UTP20: variants seen among roughly 807,000 people sequenced by gnomAD.
UTP20 encodes small subunit processome component 20 homolog.
In UTP20, 164 loss-of-function variants were observed where a neutral mutation model predicts 329.5. The observed-to-expected ratio is 0.50, with a 90% CI of 0.44 to 0.57. UTP20 has a LOEUF of 0.57. Among genes scored for constraint, UTP20 ranks in the 20% least tolerant of loss-of-function variants. The pLI, the probability that UTP20 is intolerant of heterozygous loss-of-function variation, is 0.00. For synonymous variants in UTP20, 1,151 were observed against 1,159.3 expected (o/e 0.99, Z 0.14); for missense variants, 3,055 against 3,284.2 (o/e 0.93, Z 1.71).
rs1870831787 is a variant in UTP20 at position 101,386,237 on chromosome 12, TCTCA to T, written c.*118_*121del. On this transcript the variant is annotated 3_prime_UTR_variant, in exon 62 of 62. Coordinates refer to ENST00000261637, the MANE Select transcript of UTP20 (RefSeq NM_014503.3). ...GTTTTTTTTTTTTTTTGAGACAAGGTCTCACTCTGTCACCCAAGGTGGAGTGCAG... is the reference window on the plus strand; with the variant it reads ...GTTTTTTTTTTTTTTTGAGACAAGGTCTCTGTCACCCAAGGTGGAGTGCAG... 1 of 946,302 alleles carries T rather than the reference TCTCA, an allele frequency of 1.1e-6. No individual in the cohort carries two copies. Among genetic ancestry groups the T allele is most frequent in the Non-Finnish European group, 1.6e-6 (1 of 632,458 alleles). The allele number at this position is 946,302 out of a possible 1,614,324, so 58.6% of individuals were successfully genotyped here.
chr12:101,385,416 A>G (rs886198868), intron 60 of UTP20, among the ~76,000 whole-genome samples, 167 bp from the exon 61 acceptor site: 11 of 152,184 alleles, frequency 7.2e-5, no homozygotes, highest in Non-Finnish European at 1.2e-4. Flanking sequence ...TTAATGTTGA[A>G]GTAACAGTGA....
intron 10 of UTP20, among the ~76,000 whole-genome samples, chr12:101,292,572 G>A (rs934882312): frequency 6.6e-6 from 1 of 152,164 alleles, no homozygotes; most frequent in Non-Finnish European, 1.5e-5. Context: ...GCTTTTCAAA[G>A]GACTTGTATT....
intron 18 of UTP20, 97 bp downstream of exon 18, chr12:101,308,440 A>G (rs1283787768): frequency 9.0e-6 from 6 of 665,676 alleles, no homozygotes; most frequent in Non-Finnish European, 1.2e-5. Flanking sequence ...TAATAATAAT[A>G]ATAATAATAA....
chr12:101,336,913 G>A (rs1449750963), intron 29 of UTP20, among the ~76,000 whole-genome samples: 1 of 152,246 alleles, frequency 6.6e-6, no homozygotes, highest in African/African-American at 2.4e-5. Context: ...CTGGGAAGTT[G>A]CATTGTATCT....
rs138065795 is a variant in UTP20 at position 101,334,478 on chromosome 12, G to T, written c.3615G>T (p.Leu1205=). 184 of 1,611,846 alleles carry T rather than the reference G, an allele frequency of 1.1e-4. No individual in the cohort carries two copies. The African/African-American group carries it at 2.0e-3, about 18-fold the overall frequency. ...ATTCTCCTACTCCTCTGCTGAAACT[G>T]ATCAGTATCTGGAGCAGAAACGCAA... ...SQYSPTPLLK[L]ISIWSRNARY... The change falls in exon 29 of 62, where the codon CTG becomes CTT. Residue 1205 remains leucine (L), a synonymous_variant. Transcript: ENST00000261637.
chr12:101,321,650 C>T (rs778991499), intron 25 of UTP20, 21 bp downstream of exon 25: 4 of 1,607,454 alleles, frequency 2.5e-6, no homozygotes, highest in Non-Finnish European at 3.4e-6. Context: ...TGTTCAAACA[C>T]TGATTTTTAA....
intron 14 of UTP20, among the ~76,000 whole-genome samples, chr12:101,301,043 C>T (rs1159403592): frequency 6.6e-6 from 1 of 152,134 alleles, no homozygotes; most frequent in African/African-American, 2.4e-5. Flanking sequence ...TATATACACA[C>T]ATACATATAT....
chr12:101,281,000 T>G (rs1192442343), intron 1 of UTP20, 116 bp from the exon 2 acceptor site: 25 of 834,560 alleles, frequency 3.0e-5, no homozygotes, highest in Non-Finnish European at 4.0e-5. Flanking sequence ...GTTTTTCAGT[T>G]TATTTTTCCA....
intron 29 of UTP20, among the ~76,000 whole-genome samples, chr12:101,336,345 G>T (rs1868934682): frequency 6.6e-6 from 1 of 152,116 alleles, no homozygotes; most frequent in Admixed American, 6.5e-5. Context: ...GTATCAATCA[G>T]AAATTAAAAC....
chr12:101,364,433 T>A (rs1870029215), intron 45 of UTP20, among the ~76,000 whole-genome samples: 1 of 152,178 alleles, frequency 6.6e-6, no homozygotes, highest in Admixed American at 6.6e-5. Context: ...AGATTGATGG[T>A]ACTTCCATTT....
intron 47 of UTP20, 86 bp downstream of exon 47, chr12:101,366,785 T>C (rs1415506946): frequency 6.8e-7 from 1 of 1,480,560 alleles, no homozygotes; most frequent in African/African-American, 1.4e-5. Context: ...TACTGCTCAC[T>C]TCCATTGGAA....
At chr12:101,300,355 G>A (rs144601716) in intron 14 of UTP20, among the ~76,000 whole-genome samples, 2,121 of 152,164 alleles carry the variant, frequency 0.014, 31 homozygotes, top group East Asian at 0.08. Flanking sequence ...CATCTCCCAC[G>A]TACATCTGAC....
In UTP20 at chr12:101,371,166, C is replaced by G. The variant is rs1870274505; in HGVS notation, c.6796C>G (p.Gln2266Glu). The stretch of plus-strand genomic sequence containing the variant: ...CGAACCTGCCAGGGTCCAGTGTAGA[C>G]AGGTTTGTAGAGAGCACTTATCCCC... Reference protein sequence around the residue: ...QSEPARVQCRQVFLKYILDYP... With the variant: ...QSEPARVQCREVFLKYILDYP... The change falls in exon 51 of 62, where the codon CAG (glutamine) becomes GAG (glutamate). Residue 2266 changes from glutamine (Q) to glutamate (E), a missense_variant and splice_region_variant. Physicochemically the swap from Gln to Glu is conservative, Grantham distance 29. Transcript: ENST00000261637. The G allele has an allele frequency of 6.2e-7, 1 of 1,612,114 alleles. No individual in the cohort carries two copies. The highest frequency in any genetic ancestry group is 8.5e-7 in the Non-Finnish European group (1 of 1,178,974).
At chr12:101,374,503 AC>A in intron 54 of UTP20, among the ~76,000 whole-genome samples, 1 of 152,130 alleles carries the variant, frequency 6.6e-6, no homozygotes, top group East Asian at 1.9e-4. Flanking sequence ...TTGCATACCC[AC>A]TTAATGTGGG....
intron 48 of UTP20, among the ~76,000 whole-genome samples, chr12:101,368,885 CTCGCTCTTCTGTGTCTTAA>C: frequency 6.6e-6 from 1 of 150,866 alleles, no homozygotes; most frequent in Admixed American, 6.6e-5. Flanking sequence ...GACTCCCAAG[CTCGCTCTTCTGTGTCTTAA>C]TCCAGCCCAC....
intron 2 of UTP20, among the ~76,000 whole-genome samples, chr12:101,283,457 C>T (rs1185832955): frequency 6.6e-6 from 1 of 152,122 alleles, no homozygotes; most frequent in African/African-American, 2.4e-5. Context: ...TGTTATTAGT[C>T]AAAGCAAGTC....
At chr12:101,373,905 T>C (rs1870383174) in intron 54 of UTP20, 138 bp downstream of exon 54, 2 of 1,062,870 alleles carry the variant, frequency 1.9e-6, no homozygotes, top group Non-Finnish European at 2.6e-6. Context: ...ATGCAAATAG[T>C]ATATTCTTAA....
chr12:101,295,986 C>T (rs777872788), intron 12 of UTP20, among the ~76,000 whole-genome samples: 2 of 152,176 alleles, frequency 1.3e-5, no homozygotes, highest in African/African-American at 2.4e-5. Flanking sequence ...TGTAGATTCA[C>T]GTGCAGTTGC....
chr12:101,338,365 C>G, intron 30 of UTP20, 88 bp downstream of exon 30: 1 of 1,364,214 alleles, frequency 7.3e-7, no homozygotes, highest in Non-Finnish European at 1.0e-6. Flanking sequence ...TATAATTTGA[C>G]TCACTCGAGA....
Sources: allele counts gnomAD v4.1 joint callset (sites outside exome capture counted in the v4.1 genomes callset), GRCh38; gene constraint gnomAD v4.1.1; transcripts MANE v1.5; gene names NCBI Gene and HGNC (gene_info 2026-07-23, HGNC 2026-07-21).